KCNIP1: variants seen among roughly 807,000 people sequenced by gnomAD.
The protein encoded by KCNIP1 is A-type potassium channel modulatory protein KCNIP1.
In KCNIP1, 18 loss-of-function variants were observed where a neutral mutation model predicts 33.0. The ratio of observed to expected loss-of-function variants is 0.55; its 90% CI spans 0.38 to 0.81. The LOEUF is 0.81. KCNIP1 is among the 30% of genes least tolerant of loss of function. KCNIP1 has a pLI of 0.00. For synonymous variants in KCNIP1, 93 were observed against 98.3 expected (o/e 0.95, Z 0.32); for missense variants, 238 against 271.6 (o/e 0.88, Z 0.87).
chr5:170,613,208 T>C (rs1194794900), intron 1 of KCNIP1, among the ~76,000 whole-genome samples: 1 of 152,078 alleles, frequency 6.6e-6, no homozygotes, highest in Non-Finnish European at 1.5e-5. Flanking sequence ...ATTCCTCATC[T>C]CGCCTCCCAC....
Position 170,508,228 on chromosome 5 carries a change from A to T in KCNIP1, c.61+3595A>T, listed in dbSNP as rs145183016. Among the ~76,000 whole-genome samples the T allele has an allele frequency of 5.5e-4, 84 of 152,332 alleles. No individual in the cohort carries two copies. In the East Asian group the frequency reaches 0.016, roughly 28 times the overall value. On this transcript the variant is annotated intron_variant, in intron 1 of 7. Transcript: ENST00000328939. ...CATGCAGAACTTTCTGAAAGGGCTG[A>T]GCTTCGGATCTCCAGAATAGTCATA...
At chr5:170,437,668 C>G (rs1561625670) in intron 1 of KCNIP1, among the ~76,000 whole-genome samples, 1 of 152,178 alleles carries the variant, frequency 6.6e-6, no homozygotes, top group African/African-American at 2.4e-5. Flanking sequence ...CGGACCCTCC[C>G]CTTCAAAGCG....
At chr5:170,513,651 G>T (rs1319481550) in intron 1 of KCNIP1, among the ~76,000 whole-genome samples, 1 of 152,222 alleles carries the variant, frequency 6.6e-6, no homozygotes, top group Non-Finnish European at 1.5e-5. Context: ...CCAGAACAGG[G>T]TGCAGGACAG....
At chr5:170,615,307 T>C (rs1391291427) in intron 1 of KCNIP1, among the ~76,000 whole-genome samples, 1 of 152,192 alleles carries the variant, frequency 6.6e-6, no homozygotes, top group African/African-American at 2.4e-5. Context: ...TCACCTTTCC[T>C]GGCAGAGCAC....
intron 1 of KCNIP1, among the ~76,000 whole-genome samples, chr5:170,675,708 G>A (rs1417080125): frequency 6.6e-6 from 1 of 152,170 alleles, no homozygotes; most frequent in Non-Finnish European, 1.5e-5. Context: ...AAACTGTGCA[G>A]AGCCCAGCAC....
chr5:170,684,854 C>G (rs1762485660), intron 1 of KCNIP1, among the ~76,000 whole-genome samples: 1 of 152,212 alleles, frequency 6.6e-6, no homozygotes, highest in Admixed American at 6.5e-5. Context: ...TATAGTTACA[C>G]TTTAAATGAC....
At chr5:170,515,716 A>G (rs1184750998) in intron 1 of KCNIP1, among the ~76,000 whole-genome samples, 9 of 152,230 alleles carry the variant, frequency 5.9e-5, no homozygotes, top group Admixed American at 4.6e-4. Flanking sequence ...ATTCGAACCC[A>G]GATGGTTTGC....
At chr5:170,456,629 A>G (rs1756381231) in intron 1 of KCNIP1, among the ~76,000 whole-genome samples, 3 of 150,562 alleles carry the variant, frequency 2.0e-5, no homozygotes, top group South Asian at 4.2e-4. Context: ...AAAACAATAG[A>G]GAATATCACT....
At chr5:170,515,690 A>T (rs1429195014) in intron 1 of KCNIP1, among the ~76,000 whole-genome samples, 1 of 152,176 alleles carries the variant, frequency 6.6e-6, no homozygotes, top group Admixed American at 6.5e-5. Context: ...CACTTCTCAT[A>T]AGTGGAAAAG....
chr5:170,446,458 C>T (rs1756119394), intron 1 of KCNIP1, among the ~76,000 whole-genome samples: 3 of 151,982 alleles, frequency 2.0e-5, no homozygotes, highest in African/African-American at 7.3e-5. Context: ...TCCTGACACT[C>T]CACCTCCCCT....
At chr5:170,507,307 T>G (rs906630848) in intron 1 of KCNIP1, among the ~76,000 whole-genome samples, 4 of 152,208 alleles carry the variant, frequency 2.6e-5, no homozygotes, top group African/African-American at 9.6e-5. Context: ...GAGATAGTAG[T>G]AGTTACCATC....
chr5:170,589,709 T>C (rs570135695), intron 1 of KCNIP1, among the ~76,000 whole-genome samples: 1 of 146,370 alleles, frequency 6.8e-6, no homozygotes, highest in Admixed American at 6.7e-5. Flanking sequence ...TTCTGTTTGG[T>C]TTGGTGTGGT....
chr5:170,484,301 T>C (rs1335092125), intron 1 of KCNIP1: 3 of 152,260 alleles, frequency 2.0e-5, no homozygotes, highest in Non-Finnish European at 4.4e-5. Context: ...ATACAGCACG[T>C]GTTCCTCGGG....
At chr5:170,544,431 C>T (rs997486769) in intron 1 of KCNIP1, among the ~76,000 whole-genome samples, 5 of 152,186 alleles carry the variant, frequency 3.3e-5, no homozygotes, top group Non-Finnish European at 5.9e-5. Context: ...AACTCCTGAA[C>T]AATAATAGCT....
At chr5:170,509,345 A>G (rs1309850150) in intron 1 of KCNIP1, among the ~76,000 whole-genome samples, 2 of 150,570 alleles carry the variant, frequency 1.3e-5, no homozygotes, top group African/African-American at 4.9e-5. Context: ...AATGGAGCTC[A>G]AGATAAACAG....
At chr5:170,353,897 A>T (rs1274698137) in exon 1 of KCNIP1, 1 of 1,614,060 alleles carries the variant, frequency 6.2e-7, no homozygotes, top group Non-Finnish European at 8.5e-7. Context: ...GCTCCAAAAG[A>T]TGCAAGCTTG....
intron 1 of KCNIP1, among the ~76,000 whole-genome samples, chr5:170,496,370 A>G (rs1260427029): frequency 6.6e-6 from 1 of 152,360 alleles, no homozygotes; most frequent in East Asian, 1.9e-4. Context: ...AGCTACATGC[A>G]GAGTGTGAGC....
At chr5:170,617,138 C>G (rs1183438759) in intron 1 of KCNIP1, among the ~76,000 whole-genome samples, 1 of 91,758 alleles carries the variant, frequency 1.1e-5, no homozygotes, top group Non-Finnish European at 2.2e-5. Flanking sequence ...AAAATAGGAA[C>G]ACAGGGTCCC....
chr5:170,661,705 C>A (rs1761496978), intron 1 of KCNIP1, among the ~76,000 whole-genome samples: 1 of 152,188 alleles, frequency 6.6e-6, no homozygotes, highest in African/African-American at 2.4e-5. Context: ...TTCATCGCTG[C>A]AATTCAACAT....
Sources: allele counts gnomAD v4.1 joint callset (sites outside exome capture counted in the v4.1 genomes callset), GRCh38; gene constraint gnomAD v4.1.1; transcripts MANE v1.5; gene names NCBI Gene and HGNC (gene_info 2026-07-23, HGNC 2026-07-21).